Variants in PPP1R21 observed in about 807,000 individuals in gnomAD.
PPP1R21 encodes the protein KLRAQ motif containing 1.
Under a neutral mutation model 112.8 loss-of-function variants are expected in PPP1R21, and 85 were observed. The observed-to-expected ratio is 0.75, with a 90% CI of 0.63 to 0.90. PPP1R21 has a LOEUF of 0.90. Ranked by LOEUF, PPP1R21 falls within the 40% of genes least tolerant of loss-of-function variation. The pLI, the probability that PPP1R21 is intolerant of heterozygous loss-of-function variation, is 0.00. For missense variants in PPP1R21, 1,199 were observed against 901.5 expected (o/e 1.33, Z -4.23); for synonymous variants, 381 against 322.3 (o/e 1.18, Z -1.95).
chr2:48,480,317 A>G (rs543532621), intron 13 of PPP1R21, among the ~76,000 whole-genome samples: 1 of 152,344 alleles, frequency 6.6e-6, no homozygotes, highest in South Asian at 2.1e-4. Flanking sequence ...CAGACATGCT[A>G]TTCAGAGGCC....
Position 48,486,672 on chromosome 2 carries a change from G to T in PPP1R21, c.1360G>T (p.Glu454Ter). The T allele has an allele frequency of 6.2e-7, 1 of 1,613,410 alleles. No homozygotes were observed. Among genetic ancestry groups the T allele is most frequent in the South Asian group, 1.1e-5 (1 of 91,030 alleles). ...TAGTCAAAAAGCTGCAATAGAGCAT[G>T]AACTTCCAACAGCAACACAGAAGCT... is the stretch of plus-strand genomic sequence containing the variant. ...HYSQKAAIEH[E>*]LPTATQKLIT... Residue 454 changes from glutamate (E) to a stop codon, truncating the protein, a stop_gained, in exon 14 of 22, where the codon GAA becomes TAA. Coordinates refer to ENST00000294952, the MANE Select transcript of PPP1R21 (RefSeq NM_001135629.3). LOFTEE classifies it high-confidence loss of function.
At chr2:48,457,000 C>T (rs1437960673) in intron 3 of PPP1R21, among the ~76,000 whole-genome samples, 3 of 151,208 alleles carry the variant, frequency 2.0e-5, no homozygotes, top group Admixed American at 6.6e-5. Context: ...TGCAGTGAGC[C>T]GAGATCACAC....
At chr2:48,499,980 G>A (rs1364830556) in intron 17 of PPP1R21, among the ~76,000 whole-genome samples, 1 of 152,042 alleles carries the variant, frequency 6.6e-6, no homozygotes, top group Non-Finnish European at 1.5e-5. Flanking sequence ...GAGCTTGAAA[G>A]CCATGGTGCT....
rs776997579 is a variant in PPP1R21, at chr2:48,479,948, G to A, written c.1250G>A (p.Arg417Gln). 6 of 1,612,490 alleles carry A rather than the reference G, an allele frequency of 3.7e-6. No homozygotes were observed. The highest frequency in any genetic ancestry group is 3.3e-5 in the South Asian group (3 of 91,042). The change falls in exon 13 of 22, where the codon CGG becomes CAG. Residue 417 changes from arginine (R) to glutamine (Q), a missense_variant. Coordinates refer to ENST00000294952, the MANE Select transcript of PPP1R21 (RefSeq NM_001135629.3). Reference protein sequence around the residue: ...LPSTEPDGLLRTNYSSVLTNV... With the variant: ...LPSTEPDGLLQTNYSSVLTNV... ...GGTACAGAGCCAGATGGACTCCTTC[G>A]GACAAACTACAGTTCTGTGTTAACA...
intron 2 of PPP1R21, among the ~76,000 whole-genome samples, chr2:48,453,102 C>T (rs1031710451): frequency 6.6e-6 from 1 of 152,016 alleles, no homozygotes. Context: ...CACAGGCGTG[C>T]ACCACCCTGC....
rs1572848536 is a variant in PPP1R21 at position 48,466,356 on chromosome 2, C to T, written c.897+714C>T. Among the ~76,000 whole-genome samples the T allele has an allele frequency of 2.6e-5, 4 of 152,012 alleles. No homozygotes were observed. In the South Asian group the frequency reaches 6.2e-4, roughly 24 times the overall value. On this transcript the variant is annotated intron_variant, in intron 9 of 21. Transcript: ENST00000294952. ...CTTCCCAACTAGCTGGGACTACAGG[C>T]GTGCACCACCACACTGGCTAATTTT...
chr2:48,457,189 A>G (rs1170913405), intron 3 of PPP1R21, among the ~76,000 whole-genome samples: 1 of 152,200 alleles, frequency 6.6e-6, no homozygotes, highest in Admixed American at 6.5e-5. Flanking sequence ...TGTAATATTG[A>G]GAATTAATTT....
intron 1 of PPP1R21, among the ~76,000 whole-genome samples, chr2:48,443,504 A>G (rs1274406867): frequency 6.6e-6 from 1 of 152,250 alleles, no homozygotes; most frequent in Non-Finnish European, 1.5e-5. Context: ...TTGAGAGTTA[A>G]TCAGGGTAGA....
chr2:48,456,245 T>C (rs1329177430), intron 3 of PPP1R21, among the ~76,000 whole-genome samples: 2 of 148,396 alleles, frequency 1.3e-5, no homozygotes, highest in African/African-American at 5.0e-5. Flanking sequence ...ATTAAGAGAT[T>C]GCTGCTCTTT....
intron 17 of PPP1R21, among the ~76,000 whole-genome samples, chr2:48,503,952 C>CAAA (rs11389758): frequency 1.5e-5 from 2 of 135,730 alleles, no homozygotes; most frequent in African/African-American, 2.8e-5. Context: ...GACTATGTCT[C>CAAA]AAAAAAAAAA....
At chr2:48,514,230 C>T (rs1670768515) in intron 21 of PPP1R21, among the ~76,000 whole-genome samples, 1 of 151,914 alleles carries the variant, frequency 6.6e-6, no homozygotes, top group Non-Finnish European at 1.5e-5. Context: ...GGACTACAGG[C>T]ACCCGCCACC....
rs192804394 is a variant in PPP1R21, at chr2:48,460,378, A to G, written c.599+225A>G. Among the ~76,000 whole-genome samples, 533 of 152,304 alleles carry G rather than the reference A, an allele frequency of 3.5e-3. 1 individual carries two copies. Among genetic ancestry groups the G allele is most frequent in the African/African-American group, 0.013 (522 of 41,562 alleles). On this transcript the variant is annotated intron_variant, in intron 6 of 21. Transcript: ENST00000294952. ...CTGCAAGGGTTTGGGGCTGTGGCAG[A>G]TCGTGTTCTGGAGCTCTTGCACTGA...
rs13384817 is a variant in PPP1R21, at chr2:48,509,766, A to G, written c.2086-249A>G. Among the ~76,000 whole-genome samples the G allele has an allele frequency of 1.2e-3, 177 of 152,300 alleles. 1 individual carries two copies. Among genetic ancestry groups the G allele is most frequent in the Admixed American group, 3.9e-3 (60 of 15,296 alleles). On this transcript the variant is annotated intron_variant, in intron 19 of 21. Coordinates refer to ENST00000294952, the MANE Select transcript of PPP1R21 (RefSeq NM_001135629.3). Reference sequence around the variant, plus strand: ...ATATAACCACTGGTCATCAGGCTAGAGTGAAGAAAAAAACATTGATCTTAA... The same window carrying G: ...ATATAACCACTGGTCATCAGGCTAGGGTGAAGAAAAAAACATTGATCTTAA...
intron 3 of PPP1R21, among the ~76,000 whole-genome samples, chr2:48,457,053 A>G (rs1203738874): frequency 6.7e-6 from 1 of 150,106 alleles, no homozygotes; most frequent in East Asian, 1.9e-4. Context: ...CTCCCTCTCA[A>G]AAAAAAAAAG....
intron 1 of PPP1R21, among the ~76,000 whole-genome samples, chr2:48,449,522 CT>C (rs936145970): frequency 1.3e-5 from 2 of 152,124 alleles, no homozygotes; most frequent in African/African-American, 4.8e-5. Flanking sequence ...AGAATCTCAT[CT>C]TTTTAGTCTG....
At chr2:48,455,128 A>G (rs925670166) in intron 3 of PPP1R21, among the ~76,000 whole-genome samples, 1 of 146,502 alleles carries the variant, frequency 6.8e-6, no homozygotes, top group Non-Finnish European at 1.5e-5. Context: ...ATGAGCCATC[A>G]TTCCCGGCCC....
intron 2 of PPP1R21, among the ~76,000 whole-genome samples, chr2:48,452,118 A>G (rs536820108): frequency 6.6e-6 from 1 of 152,248 alleles, no homozygotes; most frequent in Non-Finnish European, 1.5e-5. Context: ...AATTGTTGAA[A>G]AAATGATCAT....
intron 1 of PPP1R21, among the ~76,000 whole-genome samples, chr2:48,442,460 G>A (rs1290034114): frequency 6.6e-6 from 1 of 152,162 alleles, no homozygotes; most frequent in Admixed American, 6.5e-5. Flanking sequence ...GCCTCCCAAA[G>A]TAATAAAAAC....
intron 17 of PPP1R21, among the ~76,000 whole-genome samples, chr2:48,504,040 C>T (rs957122783): frequency 7.2e-5 from 11 of 151,898 alleles, no homozygotes; most frequent in African/African-American, 2.2e-4. Context: ...AATCATAACC[C>T]GGGAGTAAGG....
Sources: gnomAD v4.1 joint callset for allele counts (sites outside exome capture counted in the v4.1 genomes callset) on GRCh38, gnomAD v4.1.1 for gene constraint, MANE v1.5 for transcripts, NCBI Gene and HGNC (gene_info 2026-07-23, HGNC 2026-07-21) for gene names.